Variants in GID4 observed in about 807,000 individuals in gnomAD.
GID4 encodes GID complex subunit 4 homolog.
In GID4, 7 loss-of-function variants were observed where a neutral mutation model predicts 32.4. The ratio of observed to expected loss-of-function variants is 0.22; its 90% CI spans 0.12 to 0.41. The LOEUF (loss-of-function observed/expected upper bound fraction) is 0.41. Among genes scored for constraint, GID4 ranks in the 10% least tolerant of loss-of-function variants. The pLI is 1.00. For missense variants in GID4, 309 were observed against 400.0 expected (o/e 0.77, Z 1.94); for synonymous variants, 166 against 170.0 (o/e 0.98, Z 0.18).
Position 18,068,308 on chromosome 17 carries a change from G to A in GID4, c.*3065G>A, listed in dbSNP as rs539448673. The A allele has an allele frequency of 6.5e-6, 1 of 152,746 alleles. No homozygotes were observed. Among genetic ancestry groups the A allele is most frequent in the African/African-American group, 2.4e-5 (1 of 41,568 alleles). 9.5% of individuals were successfully genotyped at this position (152,746 alleles called of 1,614,324 possible). ...TATTTTGTTTCTTTATGGAGGACAT[G>A]TGGAAGGAGTTTGAGGGTTTGGGAT... On this transcript the variant is annotated 3_prime_UTR_variant, in exon 6 of 6. Transcript: ENST00000268719.
chr17:18,050,052 A>G (rs1040348593), intron 2 of GID4, among the ~76,000 whole-genome samples: 1 of 152,256 alleles, frequency 6.6e-6, no homozygotes. Context: ...CGCAAAAGAC[A>G]TGATCTCATT....
At chr17:18,056,993 T>A in intron 3 of GID4, 1 of 1,548,444 alleles carries the variant, frequency 6.5e-7, no homozygotes, top group Non-Finnish European at 8.7e-7. Context: ...CTAATACACT[T>A]CACCTAGGCT....
chr17:18,051,381 C>T (rs1046548803), intron 2 of GID4, among the ~76,000 whole-genome samples: 3 of 152,146 alleles, frequency 2.0e-5, no homozygotes, highest in East Asian at 3.8e-4. Context: ...GCTTGAAACT[C>T]GGAAAAATAA....
chr17:18,061,902 G>A lies in GID4; in HGVS notation c.766G>A (p.Gly256Arg). ...AGACATCAGTGGTGCTTCTTTTGCC[G>A]GGTTCTACTACATCTGCTTTCAGAA... Reference protein sequence around the residue: ...IKDISGASFAGFYYICFQKSA... With the variant: ...IKDISGASFARFYYICFQKSA... Residue 256 changes from glycine to arginine, a missense_variant, in exon 5 of 6, where the codon GGG becomes AGG. Coordinates refer to ENST00000268719, the MANE Select transcript of GID4 (RefSeq NM_024052.5). This position sits in a 1 kb window ranked among gnomAD's most constrained non-coding sequence, Gnocchi z 4.4. The A allele has an allele frequency of 6.2e-7, 1 of 1,613,906 alleles. No homozygotes were observed. The highest frequency in any genetic ancestry group is 8.5e-7 in the Non-Finnish European group (1 of 1,179,894).
intron 3 of GID4, among the ~76,000 whole-genome samples, chr17:18,055,485 T>C (rs950698798): frequency 6.6e-6 from 1 of 152,174 alleles, no homozygotes; most frequent in African/African-American, 2.4e-5. Context: ...TTGTTTATTT[T>C]ATTTAAAAAA....
rs1219486378 is a variant in GID4 at position 18,066,897 on chromosome 17, G to C, written c.*1654G>C. 1 of 152,236 alleles carries C rather than the reference G, an allele frequency of 6.6e-6. No individual in the cohort carries two copies. The highest frequency in any genetic ancestry group is 6.5e-5 in the Admixed American group (1 of 15,274). The allele number at this position is 152,236 out of a possible 1,614,324, so 9.4% of individuals were successfully genotyped here. A position where few individuals can be genotyped will look rare whatever the true frequency, so the allele number is the denominator to read the frequency against. Reference sequence around the variant, plus strand: ...ATCTAAAATCTGTTATCCCAGGACTGTGTACAGAGGGGCAACCTACCCATT... The same window carrying C: ...ATCTAAAATCTGTTATCCCAGGACTCTGTACAGAGGGGCAACCTACCCATT... On this transcript the variant is annotated 3_prime_UTR_variant, in exon 6 of 6. Coordinates refer to ENST00000268719, the MANE Select transcript of GID4 (RefSeq NM_024052.5).
At chr17:18,060,182 G>A (rs530715696) in intron 4 of GID4, among the ~76,000 whole-genome samples, 20 of 151,354 alleles carry the variant, frequency 1.3e-4, no homozygotes, top group African/African-American at 4.8e-4. Flanking sequence ...GCCAGATCAC[G>A]AGGTCAGGAG....
At chr17:18,041,168 C>G (rs2044799179) in intron 1 of GID4, among the ~76,000 whole-genome samples, 1 of 152,152 alleles carries the variant, frequency 6.6e-6, no homozygotes, top group African/African-American at 2.4e-5. Flanking sequence ...ACCTGTCCCT[C>G]TGAAAGGCAC....
intron 1 of GID4, among the ~76,000 whole-genome samples, chr17:18,044,378 G>T (rs2044832276): frequency 6.6e-6 from 1 of 152,208 alleles, no homozygotes; most frequent in African/African-American, 2.4e-5. Flanking sequence ...GGAGGAAATT[G>T]TTTGTTGGGT....
chr17:18,061,825 C>T lies in GID4; in HGVS notation c.709-20C>T, dbSNP rs554859256. Reference sequence around the variant, plus strand: ...GTCAGAGAATGCTATCTGTTACTGACCCTCTTCATCTGTGTGCAGGAACAG... The same window carrying T: ...GTCAGAGAATGCTATCTGTTACTGATCCTCTTCATCTGTGTGCAGGAACAG... On this transcript the variant is annotated intron_variant, in intron 4 of 5. Transcript: ENST00000268719. This position sits in a 1 kb window ranked among gnomAD's most constrained non-coding sequence, Gnocchi z 4.4. The T allele has an allele frequency of 1.2e-6, 2 of 1,613,580 alleles. No individual in the cohort carries two copies. The highest frequency in any genetic ancestry group is 1.7e-6 in the Non-Finnish European group (2 of 1,179,686).
At chr17:18,056,956 C>T (rs2044974084) in intron 3 of GID4, 6 of 1,550,494 alleles carry the variant, frequency 3.9e-6, no homozygotes, top group Non-Finnish European at 5.2e-6. Context: ...CTGTACTGCA[C>T]CTGGGTTTGT....
At chr17:18,056,325 A>G (rs145712729) in intron 3 of GID4, among the ~76,000 whole-genome samples, 1 of 152,388 alleles carries the variant, frequency 6.6e-6, no homozygotes, top group African/African-American at 2.4e-5. Flanking sequence ...TCTCTGTGAT[A>G]CAAGAGAATG....
rs550503063 is a variant in GID4 at position 18,066,168 on chromosome 17, T to C, written c.*925T>C. ...TAATTTTTATATCGATATCTATATGTATATGTATATTTAATCAACCAGCAG... is the reference window on the plus strand; with the variant it reads ...TAATTTTTATATCGATATCTATATGCATATGTATATTTAATCAACCAGCAG... On this transcript the variant is annotated 3_prime_UTR_variant, in exon 6 of 6. Transcript: ENST00000268719. 5.2e-5 allele frequency: 8 copies of C among 152,752 alleles called. No homozygotes were observed. Among genetic ancestry groups the C allele is most frequent in the African/African-American group, 1.9e-4 (8 of 41,580 alleles). The allele number at this position is 152,752 out of a possible 1,614,324, so 9.5% of individuals were successfully genotyped here.
At chr17:18,054,976 C>T (rs2044951241) in intron 3 of GID4, among the ~76,000 whole-genome samples, 1 of 152,072 alleles carries the variant, frequency 6.6e-6, no homozygotes, top group South Asian at 2.1e-4. Context: ...TTGAGACCAT[C>T]CTGGCTAACA....
At chr17:18,051,090 A>G (rs1375923016) in intron 2 of GID4, among the ~76,000 whole-genome samples, 1 of 152,232 alleles carries the variant, frequency 6.6e-6, no homozygotes, top group African/African-American at 2.4e-5. Flanking sequence ...TTTACAAAGA[A>G]GTCAATGCAG....
chr17:18,048,147 T>TGTC, intron 2 of GID4, among the ~76,000 whole-genome samples: 2 of 152,050 alleles, frequency 1.3e-5, no homozygotes, highest in South Asian at 4.2e-4. Flanking sequence ...ATGATCCGCC[T>TGTC]GTCTCGGCCT....
rs1436455235 is a variant in GID4 at position 18,065,947 on chromosome 17, A to C, written c.*704A>C. On this transcript the variant is annotated 3_prime_UTR_variant, in exon 6 of 6. Transcript: ENST00000268719. ...AGGCTTCCAGATCCCTGGCAGGAAC[A>C]GATTCCAGTCCTGCTTACTCAGTAC... 1 of 152,340 alleles carries C rather than the reference A, an allele frequency of 6.6e-6. No individual in the cohort carries two copies. Among genetic ancestry groups the C allele is most frequent in the East Asian group, 1.9e-4 (1 of 5,204 alleles). 9.4% of individuals were successfully genotyped at this position (152,340 alleles called of 1,614,324 possible).
rs976875552 is a variant in GID4, at chr17:18,065,416, G to A, written c.*173G>A. On this transcript the variant is annotated 3_prime_UTR_variant, in exon 6 of 6. Coordinates refer to ENST00000268719, the MANE Select transcript of GID4 (RefSeq NM_024052.5). ...AGAATCCAAGGAGCATGGCTGGCCC[G>A]TGGGGCAGGTGGAGGGAGCAGTCTT... The A allele has an allele frequency of 9.8e-5, 61 of 623,388 alleles. 1 individual carries two copies. The highest frequency in any genetic ancestry group is 7.3e-4 in the East Asian group (26 of 35,604). 38.6% of individuals were successfully genotyped at this position (623,388 alleles called of 1,614,324 possible).
At chr17:18,045,629 T>C (rs2044845051) in intron 2 of GID4, among the ~76,000 whole-genome samples, 1 of 152,016 alleles carries the variant, frequency 6.6e-6, no homozygotes, top group African/African-American at 2.4e-5. Context: ...TCGCGGTGGC[T>C]CATGCCTGTA....
Sources: gnomAD v4.1 joint callset for allele counts (sites outside exome capture counted in the v4.1 genomes callset) on GRCh38, gnomAD v4.1.1 for gene constraint, Gnocchi (gnomAD v3.1) non-coding constraint, MANE v1.5 for transcripts, NCBI Gene and HGNC (gene_info 2026-07-23, HGNC 2026-07-21) for gene names.